Variants in NBAS observed in about 807,000 individuals in gnomAD.
NBAS encodes NBAS subunit of NRZ tethering complex.
NBAS carries 219 observed loss-of-function variants against 302.5 expected under a neutral mutation model. That is an observed-to-expected ratio of 0.72 (90% CI 0.65 to 0.81). The LOEUF (loss-of-function observed/expected upper bound fraction) is 0.81. Ranked by LOEUF, NBAS falls within the 30% of genes least tolerant of loss-of-function variation. The probability of loss-of-function intolerance (pLI) is 0.00; values close to 1 mark genes in which losing one functional copy is unlikely to be tolerated. For synonymous variants in NBAS, 1,118 were observed against 1,021.6 expected (o/e 1.09, Z -1.80); for missense variants, 2,932 against 2,841.6 (o/e 1.03, Z -0.72).
intron 40 of NBAS, among the ~76,000 whole-genome samples, chr2:15,292,976 G>C (rs1219460297): frequency 1.3e-5 from 2 of 152,038 alleles, no homozygotes; most frequent in Non-Finnish European, 2.9e-5. Flanking sequence ...CACAGAACTA[G>C]GCCCAAAAAC....
chr2:15,447,342 C>A (rs549158796), intron 21 of NBAS, among the ~76,000 whole-genome samples: 1 of 152,296 alleles, frequency 6.6e-6, no homozygotes, highest in South Asian at 2.1e-4. Flanking sequence ...AGGCATCTGA[C>A]TTGATGGATA....
chr2:14,787,092 T>C, the NBAS span, among the ~76,000 whole-genome samples: 1 of 152,206 alleles, frequency 6.6e-6, no homozygotes, highest in African/African-American at 2.4e-5. Flanking sequence ...TCTTTGTCTC[T>C]TTTGATCTTT....
At chr2:15,098,669 T>A in the NBAS span, among the ~76,000 whole-genome samples, 4 of 114,104 alleles carry the variant, frequency 3.5e-5, no homozygotes, top group Admixed American at 9.8e-5. Flanking sequence ...ATTATATACA[T>A]TATATTATAT....
Position 15,276,860 on chromosome 2 carries a change from C to A in NBAS, c.5380G>T (p.Val1794Phe), listed in dbSNP as rs780475279. The A allele has an allele frequency of 6.8e-6, 11 of 1,613,924 alleles. No homozygotes were observed. The African/African-American group carries it at 1.2e-4, about 18-fold the overall frequency. ...HIRLLKKFKVVASGLNYKKLT... is the reference protein window; with the variant it reads ...HIRLLKKFKVFASGLNYKKLT... ...GAAACAACCATCCTACCTGATGCAACAACCTTAAACTTCTTCAGCAGTCGA... is the reference window on the plus strand; with the variant it reads ...GAAACAACCATCCTACCTGATGCAAAAACCTTAAACTTCTTCAGCAGTCGA... Residue 1794 changes from valine (V) to phenylalanine (F), a missense_variant, in exon 43 of 52, where the codon GTT (valine) becomes TTT (phenylalanine). Physicochemically the swap from Val to Phe is conservative, Grantham distance 50 (BLOSUM62 -1). Transcript: ENST00000281513.
At chr2:14,824,488 G>T in the NBAS span, among the ~76,000 whole-genome samples, 3 of 151,312 alleles carry the variant, frequency 2.0e-5, no homozygotes, top group African/African-American at 7.3e-5. Context: ...AGAAAGAAAG[G>T]GAGGAAAATA....
chr2:15,170,362 T>C (rs1203495658), intron 51 of NBAS, among the ~76,000 whole-genome samples: 1 of 152,204 alleles, frequency 6.6e-6, no homozygotes, highest in Non-Finnish European at 1.5e-5. Flanking sequence ...TAGGCTGTCT[T>C]TTCTCCAAAA....
chr2:15,555,261 T>TA (rs770559877), intron 3 of NBAS, among the ~76,000 whole-genome samples: 10,506 of 135,702 alleles, frequency 0.077, 1,043 homozygotes, highest in African/African-American at 0.23. Context: ...GACCCTCTCT[T>TA]AAAAAAAAAA....
chr2:15,486,604 A>C (rs1266028199), intron 12 of NBAS, among the ~76,000 whole-genome samples: 2 of 152,154 alleles, frequency 1.3e-5, no homozygotes, highest in Non-Finnish European at 2.9e-5. Flanking sequence ...TCTTCCTACT[A>C]CATACACATT....
chr2:14,968,921 AGC>A, the NBAS span, among the ~76,000 whole-genome samples: 6 of 152,258 alleles, frequency 3.9e-5, no homozygotes, highest in Admixed American at 3.9e-4. Flanking sequence ...TATTTACAAT[AGC>A]CAGAAAGTTG....
chr2:15,047,838 G>A, the NBAS span, among the ~76,000 whole-genome samples: 1 of 152,250 alleles, frequency 6.6e-6, no homozygotes, highest in Non-Finnish European at 1.5e-5. Flanking sequence ...CACTTGCTGT[G>A]TGACGTCAGG....
At chr2:15,460,214 T>C (rs1424108270) in intron 21 of NBAS, among the ~76,000 whole-genome samples, 1 of 152,188 alleles carries the variant, frequency 6.6e-6, no homozygotes, top group Non-Finnish European at 1.5e-5. Context: ...CTTAACAGTG[T>C]ACTACAAGGT....
chr2:14,883,579 G>C, the NBAS span, among the ~76,000 whole-genome samples: 1 of 152,114 alleles, frequency 6.6e-6, no homozygotes, highest in African/African-American at 2.4e-5. Context: ...CTATGATTTG[G>C]AGTCAAGAAA....
At chr2:14,986,494 T>C in the NBAS span, among the ~76,000 whole-genome samples, 36 of 152,142 alleles carry the variant, frequency 2.4e-4, no homozygotes, top group African/African-American at 7.7e-4. Flanking sequence ...TCATATATAT[T>C]ACATTTCATT....
chr2:15,192,751 C>T (rs1455018709), intron 48 of NBAS, among the ~76,000 whole-genome samples: 2 of 152,150 alleles, frequency 1.3e-5, no homozygotes, highest in Non-Finnish European at 2.9e-5. Context: ...ATCTAAAATC[C>T]ATTGTAAGAA....
At chr2:15,181,592 T>A (rs1374574484) in intron 50 of NBAS, among the ~76,000 whole-genome samples, 1 of 152,188 alleles carries the variant, frequency 6.6e-6, no homozygotes, top group Non-Finnish European at 1.5e-5. Context: ...CCTTCGCAGT[T>A]CAAACCTGTC....
At chr2:15,313,849 C>A (rs1445089430) in intron 38 of NBAS, among the ~76,000 whole-genome samples, 1 of 152,216 alleles carries the variant, frequency 6.6e-6, no homozygotes, top group African/African-American at 2.4e-5. Flanking sequence ...CATGAGTTGA[C>A]TCCTCAGAAT....
chr2:14,835,422 A>T, the NBAS span, among the ~76,000 whole-genome samples: 3 of 152,050 alleles, frequency 2.0e-5, no homozygotes, highest in African/African-American at 7.2e-5. Context: ...GTGAGGAGAC[A>T]GAGCATTCCC....
At chr2:15,016,102 G>A in the NBAS span, among the ~76,000 whole-genome samples, 2 of 152,060 alleles carry the variant, frequency 1.3e-5, no homozygotes, top group Admixed American at 6.6e-5. Flanking sequence ...GCCAAGACTG[G>A]GTAATTTATA....
At chr2:15,039,912 G>T in the NBAS span, among the ~76,000 whole-genome samples, 2 of 152,112 alleles carry the variant, frequency 1.3e-5, no homozygotes, top group Non-Finnish European at 2.9e-5. Flanking sequence ...CTAAATGGGG[G>T]ACAAATTAAG....
Sources: gnomAD v4.1 joint callset for allele counts (sites outside exome capture counted in the v4.1 genomes callset) on GRCh38, gnomAD v4.1.1 for gene constraint, MANE v1.5 for transcripts, NCBI Gene and HGNC (gene_info 2026-07-23, HGNC 2026-07-21) for gene names.